The following ADAMTS17 variants were observed in gnomAD, a reference collection of about 807,000 sequenced individuals.
ADAMTS17 encodes ADAM metallopeptidase with thrombospondin type 1 motif 17.
In ADAMTS17, 113 loss-of-function variants were observed where a neutral mutation model predicts 141.5. That is an observed-to-expected ratio of 0.80 (90% CI 0.69 to 0.93). The LOEUF (loss-of-function observed/expected upper bound fraction) is 0.93. ADAMTS17 is among the 40% of genes least tolerant of loss of function. The pLI is 0.00. For missense variants in ADAMTS17, 1,659 were observed against 1,517.9 expected (o/e 1.09, Z -1.54); for synonymous variants, 768 against 630.6 (o/e 1.22, Z -3.27).
intron 18 of ADAMTS17, among the ~76,000 whole-genome samples, chr15:100,030,267 G>C (rs181523968): frequency 6.6e-5 from 10 of 152,248 alleles, no homozygotes; most frequent in African/African-American, 1.9e-4. Context: ...TGTGGGCCAG[G>C]GCACGTTCAT....
At position 99,973,079 on chromosome 15, in the gene ADAMTS17, G is replaced by A. The variant is rs2060244695; in HGVS notation, c.*1323C>T. On this transcript the variant is annotated 3_prime_UTR_variant, in exon 22 of 22. Transcript: ENST00000268070. ...TCTAGGGTCCCTGCCCGGCCTCCTT[G>A]CAGGTAGGGTGCTACCATCCTCTGT... The A allele has an allele frequency of 6.6e-6, 1 of 152,118 alleles. No homozygotes were observed. Among genetic ancestry groups the A allele is most frequent in the South Asian group, 2.1e-4 (1 of 4,824 alleles). 9.4% of individuals were successfully genotyped at this position (152,118 alleles called of 1,614,324 possible). A position where few individuals can be genotyped will look rare whatever the true frequency, so the allele number is the denominator to read the frequency against.
intron 7 of ADAMTS17, among the ~76,000 whole-genome samples, chr15:100,234,930 G>T (rs2042607341): frequency 6.6e-6 from 1 of 152,200 alleles, no homozygotes; most frequent in Non-Finnish European, 1.5e-5. Flanking sequence ...GGAATATTGT[G>T]CAACCAAACA....
intron 10 of ADAMTS17, among the ~76,000 whole-genome samples, chr15:100,148,869 CAT>C (rs1413174784): frequency 6.6e-6 from 1 of 150,914 alleles, no homozygotes; most frequent in East Asian, 1.9e-4. Flanking sequence ...CGGAATTAGT[CAT>C]GTGGATAACT....
intron 7 of ADAMTS17, among the ~76,000 whole-genome samples, chr15:100,249,883 C>T (rs1332191727): frequency 6.6e-6 from 1 of 152,172 alleles, no homozygotes; most frequent in Admixed American, 6.5e-5. Context: ...TAACAGGTTA[C>T]CCTGGGGGGA....
chr15:100,195,336 A>G (rs945671795), intron 8 of ADAMTS17, among the ~76,000 whole-genome samples: 1 of 152,204 alleles, frequency 6.6e-6, no homozygotes, highest in African/African-American at 2.4e-5. Flanking sequence ...AGAATCAGAA[A>G]GCTGTTAATC....
rs114912870 is a variant in ADAMTS17, at chr15:100,328,252, C to T, written c.616+2637G>A. Among the ~76,000 whole-genome samples, 446 of 152,250 alleles carry T rather than the reference C, an allele frequency of 2.9e-3. 2 individuals carry two copies. The highest frequency in any genetic ancestry group is 0.01 in the African/African-American group (430 of 41,552). On this transcript the variant is annotated intron_variant, in intron 3 of 21. Transcript: ENST00000268070. ...AGATGTCCCAGTAAATTAATTTTCC[C>T]GATTTCTAAACTCCTGATGTTTGAA...
At chr15:100,219,702 C>G (rs1001537022) in intron 7 of ADAMTS17, among the ~76,000 whole-genome samples, 2 of 152,166 alleles carry the variant, frequency 1.3e-5, no homozygotes, top group Non-Finnish European at 2.9e-5. Flanking sequence ...AAGGAGAAAG[C>G]ACAACAGCAG....
chr15:100,084,160 C>A (rs1179881299), intron 15 of ADAMTS17, among the ~76,000 whole-genome samples: 2 of 152,194 alleles, frequency 1.3e-5, no homozygotes, highest in African/African-American at 4.8e-5. Context: ...CACACTCTTA[C>A]AATGGGCTTA....
chr15:100,186,782 G>A (rs980124095), intron 8 of ADAMTS17, among the ~76,000 whole-genome samples: 2 of 152,180 alleles, frequency 1.3e-5, no homozygotes, highest in African/African-American at 4.8e-5. Context: ...CCCTATCTCT[G>A]CACGATCCTT....
At chr15:100,080,118 C>A (rs1893932096) in intron 15 of ADAMTS17, among the ~76,000 whole-genome samples, 1 of 144,190 alleles carries the variant, frequency 6.9e-6, no homozygotes, top group Admixed American at 6.6e-5. Flanking sequence ...TGACACCACT[C>A]ACCATCACCC....
chr15:100,322,318 C>T lies in ADAMTS17; in HGVS notation c.616+8571G>A, dbSNP rs1044145118. On this transcript the variant is annotated intron_variant, in intron 3 of 21. Coordinates refer to ENST00000268070, the MANE Select transcript of ADAMTS17 (RefSeq NM_139057.4). ...AAGGAGAGATCCACAAAGGGGAAGC[C>T]GAAAATTCTGTATATAAATTCTACC... Among the ~76,000 whole-genome samples the T allele has an allele frequency of 2.4e-4, 36 of 152,104 alleles. 1 individual carries two copies. The highest frequency in any genetic ancestry group is 1.9e-3 in the Admixed American group (29 of 15,280).
chr15:100,042,749 G>A (rs1410257085), intron 18 of ADAMTS17, among the ~76,000 whole-genome samples: 1 of 152,176 alleles, frequency 6.6e-6, no homozygotes, highest in Non-Finnish European at 1.5e-5. Context: ...GATGATTCAC[G>A]TCCTGGGCAG....
intron 3 of ADAMTS17, among the ~76,000 whole-genome samples, chr15:100,290,062 G>A (rs1360727326): frequency 1.3e-5 from 2 of 152,228 alleles, no homozygotes; most frequent in South Asian, 2.1e-4. Context: ...CAGGAAGAGA[G>A]TAAGTCAAAC....
intron 7 of ADAMTS17, among the ~76,000 whole-genome samples, chr15:100,246,798 AT>A (rs2042999900): frequency 1.3e-5 from 2 of 152,092 alleles, no homozygotes; most frequent in South Asian, 4.2e-4. Context: ...TAGTGATATT[AT>A]TTTTTCATAA....
intron 18 of ADAMTS17, among the ~76,000 whole-genome samples, chr15:100,040,531 T>C (rs1439428848): frequency 2.0e-5 from 3 of 152,158 alleles, no homozygotes; most frequent in African/African-American, 7.2e-5. Context: ...CTCAGAAAAA[T>C]CAGGAAGAGA....
chr15:100,238,377 C>T (rs1423335346), intron 7 of ADAMTS17, among the ~76,000 whole-genome samples: 1 of 152,222 alleles, frequency 6.6e-6, no homozygotes, highest in Non-Finnish European at 1.5e-5. Flanking sequence ...TAAAACATCA[C>T]CCCACAAGAG....
At chr15:100,200,398 C>T (rs908401814) in intron 7 of ADAMTS17, among the ~76,000 whole-genome samples, 6 of 151,992 alleles carry the variant, frequency 3.9e-5, no homozygotes, top group Non-Finnish European at 7.4e-5. Context: ...GTGGGGAGGG[C>T]GAGCCCATGC....
intron 14 of ADAMTS17, among the ~76,000 whole-genome samples, chr15:100,102,693 C>T (rs181573244): frequency 5.9e-5 from 9 of 152,274 alleles, no homozygotes; most frequent in Non-Finnish European, 1.0e-4. Context: ...GGGAAATTGA[C>T]CTCTAACCCC....
chr15:99,978,236 G>C (rs558837668), intron 20 of ADAMTS17, among the ~76,000 whole-genome samples: 1 of 151,876 alleles, frequency 6.6e-6, no homozygotes. Context: ...CTGCTCCCAG[G>C]GGGGCTTCTG....
Sources: gnomAD v4.1 joint callset for allele counts (sites outside exome capture counted in the v4.1 genomes callset) on GRCh38, gnomAD v4.1.1 for gene constraint, MANE v1.5 for transcripts, NCBI Gene and HGNC (gene_info 2026-07-23, HGNC 2026-07-21) for gene names.